Variants in AGBL4 observed in about 807,000 individuals in gnomAD.
AGBL4 encodes AGBL carboxypeptidase 4.
Under a neutral mutation model 66.4 loss-of-function variants are expected in AGBL4, and 58 were observed. The ratio of observed to expected loss-of-function variants is 0.87; its 90% confidence interval spans 0.71 to 1.09. The LOEUF (loss-of-function observed/expected upper bound fraction) is 1.09. Ranked by LOEUF, AGBL4 falls within the 50% of genes least tolerant of loss-of-function variation. The pLI, the probability that AGBL4 is intolerant of heterozygous loss-of-function variation, is 0.00. For synonymous variants in AGBL4, 234 were observed against 222.9 expected (o/e 1.05, Z -0.44); for missense variants, 579 against 631.0 (o/e 0.92, Z 0.88).
chr1:49,889,877 T>C (rs1169824614), intron 1 of AGBL4, among the ~76,000 whole-genome samples: 1 of 152,214 alleles, frequency 6.6e-6, no homozygotes, highest in Non-Finnish European at 1.5e-5. Flanking sequence ...ATAGATAAGT[T>C]ATAAAACCTT....
At chr1:48,848,686 T>G (rs554683779) in intron 6 of AGBL4, among the ~76,000 whole-genome samples, 1 of 152,290 alleles carries the variant, frequency 6.6e-6, no homozygotes, top group East Asian at 1.9e-4. Flanking sequence ...GAATTCTGAA[T>G]AGTTTTCAAT....
intron 3 of AGBL4, among the ~76,000 whole-genome samples, chr1:49,499,627 A>G (rs1277594111): frequency 6.6e-6 from 1 of 151,334 alleles, no homozygotes; most frequent in African/African-American, 2.4e-5. Flanking sequence ...GTTTTCCATT[A>G]TTTAGTTACT....
chr1:49,371,839 GTGTGTGTGT>G (rs1644352786), intron 3 of AGBL4, among the ~76,000 whole-genome samples: 14 of 150,764 alleles, frequency 9.3e-5, no homozygotes, highest in Non-Finnish European at 1.5e-5. Flanking sequence ...GTGTGTGTGT[GTGTGTGTGT>G]GTGTGTGTGT....
At chr1:48,861,028 A>G (rs975127818) in intron 6 of AGBL4, among the ~76,000 whole-genome samples, 1 of 152,238 alleles carries the variant, frequency 6.6e-6, no homozygotes, top group African/African-American at 2.4e-5. Flanking sequence ...TGAACAAGAA[A>G]TTATGAAACA....
chr1:48,776,537 GC>G, intron 6 of AGBL4: 12 of 1,163,966 alleles, frequency 1.0e-5, no homozygotes, highest in East Asian at 3.2e-5. Context: ...CTCCGCCCGG[GC>G]CCCCGGCCCC....
chr1:48,925,121 G>A (rs1171694466), intron 5 of AGBL4, among the ~76,000 whole-genome samples: 1 of 150,418 alleles, frequency 6.6e-6, no homozygotes, highest in Non-Finnish European at 1.5e-5. Flanking sequence ...ATTGTAAGCT[G>A]AGGACCATCT....
At chr1:49,718,087 G>A (rs900094495) in intron 2 of AGBL4, among the ~76,000 whole-genome samples, 3 of 151,998 alleles carry the variant, frequency 2.0e-5, no homozygotes, top group African/African-American at 4.8e-5. Flanking sequence ...GATATGGTTC[G>A]GATGTTTATC....
chr1:48,876,567 C>A (rs1236578132), intron 5 of AGBL4, among the ~76,000 whole-genome samples: 1 of 152,126 alleles, frequency 6.6e-6, no homozygotes, highest in African/African-American at 2.4e-5. Flanking sequence ...CTGACAAATG[C>A]CCACCCAGTG....
chr1:49,438,776 G>A (rs1645960804), intron 3 of AGBL4, among the ~76,000 whole-genome samples: 1 of 152,172 alleles, frequency 6.6e-6, no homozygotes, highest in Non-Finnish European at 1.5e-5. Flanking sequence ...GAGACACACT[G>A]TCACTGTCTG....
chr1:48,636,085 T>A (rs72681017), intron 8 of AGBL4, among the ~76,000 whole-genome samples: 204 of 152,368 alleles, frequency 1.3e-3, no homozygotes, highest in Non-Finnish European at 2.2e-3. Flanking sequence ...AACTGATGAA[T>A]ACTATAATCC....
intron 3 of AGBL4, among the ~76,000 whole-genome samples, chr1:49,576,610 C>G (rs971442188): frequency 1.3e-5 from 2 of 152,180 alleles, no homozygotes; most frequent in Non-Finnish European, 2.9e-5. Context: ...CATTCTGACT[C>G]ATCTAGCCAT....
At chr1:48,609,249 C>T (rs1645200118) in intron 9 of AGBL4, among the ~76,000 whole-genome samples, 2 of 152,194 alleles carry the variant, frequency 1.3e-5, no homozygotes, top group African/African-American at 4.8e-5. Context: ...GAGCATGCCA[C>T]TCCTCCACTT....
intron 4 of AGBL4, among the ~76,000 whole-genome samples, chr1:49,222,098 A>G (rs1348838978): frequency 6.6e-6 from 1 of 152,142 alleles, no homozygotes; most frequent in East Asian, 1.9e-4. Flanking sequence ...TGTTCATTCT[A>G]TGGTCTGAAA....
At chr1:48,665,331 C>T (rs1316901351) in intron 6 of AGBL4, among the ~76,000 whole-genome samples, 3 of 152,210 alleles carry the variant, frequency 2.0e-5, no homozygotes, top group African/African-American at 7.2e-5. Context: ...GAAGAAACTG[C>T]AACTTCCATG....
At chr1:49,396,112 C>G (rs777438237) in intron 3 of AGBL4, among the ~76,000 whole-genome samples, 5 of 151,728 alleles carry the variant, frequency 3.3e-5, no homozygotes, top group Admixed American at 1.3e-4. Flanking sequence ...TTCTCCCATG[C>G]TAATCTTCAC....
At chr1:48,801,034 G>A (rs925920670) in intron 6 of AGBL4, among the ~76,000 whole-genome samples, 5 of 152,144 alleles carry the variant, frequency 3.3e-5, no homozygotes, top group African/African-American at 1.2e-4. Flanking sequence ...GGCCAATGCA[G>A]TTATGTTCCA....
chr1:48,529,949 G>C (rs1356308717), downstream of AGBL4, among the ~76,000 whole-genome samples: 14 of 152,120 alleles, frequency 9.2e-5, no homozygotes, highest in Admixed American at 9.2e-4. Flanking sequence ...CAGGGCTTCA[G>C]CAGCAAGTGC....
chr1:49,325,874 T>C (rs1413930388), intron 3 of AGBL4, among the ~76,000 whole-genome samples: 1 of 152,076 alleles, frequency 6.6e-6, no homozygotes, highest in Non-Finnish European at 1.5e-5. Context: ...AGGACGTCCC[T>C]TCTCTCTCTC....
chr1:49,533,929 A>T (rs1651347017), intron 3 of AGBL4, among the ~76,000 whole-genome samples: 1 of 152,156 alleles, frequency 6.6e-6, no homozygotes, highest in African/African-American at 2.4e-5. Flanking sequence ...GGTTGGGCAT[A>T]GATTTGGGAA....
Sources: allele counts gnomAD v4.1 joint callset (sites outside exome capture counted in the v4.1 genomes callset), GRCh38; gene constraint gnomAD v4.1.1; transcripts MANE v1.5; gene names NCBI Gene and HGNC (gene_info 2026-07-23, HGNC 2026-07-21).